NCOR2: variants seen among roughly 807,000 people sequenced by gnomAD.
The protein encoded by NCOR2 is CTG repeat protein 26.
Under a neutral mutation model 262.9 loss-of-function variants are expected in NCOR2, and 81 were observed. That is an observed-to-expected ratio of 0.31 (90% confidence interval 0.26 to 0.37). The LOEUF (loss-of-function observed/expected upper bound fraction) is 0.37, where lower values mean the gene tolerates loss of function less well. NCOR2 is among the 10% of genes least tolerant of loss of function. The probability of loss-of-function intolerance (pLI) is 1.00; values close to 1 mark genes in which losing one functional copy is unlikely to be tolerated. For missense variants in NCOR2, 3,385 were observed against 3,621.4 expected (o/e 0.93, Z 1.68); for synonymous variants, 1,659 against 1,559.3 (o/e 1.06, Z -1.51).
At chr12:124,345,355 A>G (rs546714516) in intron 31 of NCOR2, among the ~76,000 whole-genome samples, 1 of 152,288 alleles carries the variant, frequency 6.6e-6, no homozygotes, top group Admixed American at 6.5e-5. Flanking sequence ...AGAAAAAGTC[A>G]GCACCCAGAC....
chr12:124,388,863 GGTGAGGGA>G (rs2041036670), intron 16 of NCOR2: 2 of 357,798 alleles, frequency 5.6e-6, no homozygotes, highest in Non-Finnish European at 4.5e-6. Context: ...TCCGTCCCAC[GGTGAGGGA>G]GGGAGGGAGG....
Position 124,445,343 on chromosome 12 carries a change from G to A in NCOR2, c.815+4472C>T, listed in dbSNP as rs180735784. The stretch of plus-strand genomic sequence containing the variant: ...GCCCCTCTGCGGCTGCCCCGGCCCC[G>A]CCCCGGTGGTCTGAGCGCTCCCTCC... On this transcript the variant is annotated intron_variant, in intron 7 of 46. Coordinates refer to ENST00000405201, the Ensembl canonical transcript of NCOR2. Among the ~76,000 whole-genome samples, 399 of 152,248 alleles carry A rather than the reference G, an allele frequency of 2.6e-3. 3 individuals are homozygous for A. The highest frequency in any genetic ancestry group is 8.3e-3 in the African/African-American group (343 of 41,560).
intron 16 of NCOR2, chr12:124,388,560 A>T (rs1353043177): frequency 9.9e-7 from 1 of 1,008,828 alleles, no homozygotes; most frequent in East Asian, 6.1e-5. Flanking sequence ...TGGGACCCCC[A>T]TCCACTCCAG....
chr12:124,496,491 C>T (rs1414521348), upstream of NCOR2, among the ~76,000 whole-genome samples: 4 of 152,116 alleles, frequency 2.6e-5, no homozygotes, highest in East Asian at 3.9e-4. The surrounding 1 kb of genome is among the most constrained non-coding windows in gnomAD (Gnocchi z 4.4). Flanking sequence ...CCTCCAGTGG[C>T]GGAGGACTGA....
chr12:124,493,472 AG>A (rs1159883916), intron 1 of NCOR2, among the ~76,000 whole-genome samples: 8 of 152,234 alleles, frequency 5.3e-5, no homozygotes, highest in Non-Finnish European at 1.0e-4. Flanking sequence ...TCTAGGAGAC[AG>A]GTACTCTCAG....
At chr12:124,466,139 C>T in intron 5 of NCOR2, 34 bp downstream of exon 7, 1 of 1,574,816 alleles carries the variant, frequency 6.3e-7, no homozygotes. Context: ...ATGGCCAGCA[C>T]CGGGGGGCAG....
At chr12:124,537,783 C>A (rs577515842), upstream of NCOR2, 1 of 152,376 alleles carries the variant, frequency 6.6e-6, no homozygotes, top group East Asian at 1.9e-4. Flanking sequence ...AGGAGGGAGC[C>A]TTTGAAAGGG....
Position 124,362,217 on chromosome 12 carries a change from T to G in NCOR2, c.3009A>C (p.Gln1003His), listed in dbSNP as rs2038643349. ...GGGCGTCGCTCTCCGGCTGCAGGTT[T>G]TGCGGTGGCGGTGGGGCTGGGGGAG... The change falls in exon 22 of 47, where the codon CAA becomes CAC. Residue 1003 changes from glutamine to histidine, a missense_variant. Gln to His is a conservative substitution (Grantham distance 24). This residue lies in a region of NCOR2 where 1,615 missense variants were observed against 1,626.9 expected (regional missense o/e 0.99). Transcript: ENST00000405201. 7.6e-6 allele frequency: 10 copies of G among 1,311,818 alleles called. No individual in the cohort carries two copies. Among genetic ancestry groups the G allele is most frequent in the African/African-American group, 1.5e-5 (1 of 66,658 alleles). 81.3% of individuals were successfully genotyped at this position (1,311,818 alleles called of 1,614,324 possible).
chr12:124,544,036 G>A (rs1030289772), intron 1 of NCOR2, among the ~76,000 whole-genome samples: 5 of 152,240 alleles, frequency 3.3e-5, no homozygotes, highest in Admixed American at 2.6e-4. Context: ...TCCCAGGACT[G>A]GGATCCACAC....
At position 124,500,268 on chromosome 12, in the gene NCOR2, G is replaced by A. The variant is rs80249592; in HGVS notation, c.-117-4900C>T. ...TGGCCCCTGAACCAGCTGGAGGAGG[G>A]CTGCAGATCCCACGCAGGCAGGTGG... On this transcript the variant is annotated intron_variant, in intron 1 of 46. Transcript: ENST00000404621. 8.9e-3 allele frequency among the ~76,000 whole-genome samples: 1,352 copies of A among 152,272 alleles called. 10 individuals are homozygous for A. Among genetic ancestry groups the A allele is most frequent in the Non-Finnish European group, 0.015 (994 of 67,988 alleles).
intron 5 of NCOR2, among the ~76,000 whole-genome samples, chr12:124,460,851 G>A (rs1425569708): frequency 6.6e-6 from 1 of 152,132 alleles, no homozygotes; most frequent in East Asian, 1.9e-4. Flanking sequence ...ACATCTCCTC[G>A]GCCCCTTTGG....
intron 1 of NCOR2, among the ~76,000 whole-genome samples, chr12:124,509,811 C>T (rs1009489854): frequency 6.6e-6 from 1 of 152,184 alleles, no homozygotes; most frequent in Admixed American, 6.5e-5. Flanking sequence ...ATGAACACTG[C>T]CCAGCACAGC....
upstream of NCOR2, chr12:124,495,371 G>A: frequency 6.9e-7 from 1 of 1,440,380 alleles, no homozygotes; most frequent in Non-Finnish European, 9.1e-7. The surrounding 1 kb of genome is among the most constrained non-coding windows in gnomAD (Gnocchi z 4.4). Context: ...ACTGGCACCT[G>A]CGGGAAAACA....
intron 1 of NCOR2, among the ~76,000 whole-genome samples, chr12:124,558,245 G>A (rs1447770359): frequency 6.6e-6 from 1 of 151,402 alleles, no homozygotes; most frequent in Non-Finnish European, 1.5e-5. Context: ...GGGTCACAAA[G>A]AAAAATCAAC....
chr12:124,340,686 C>T, exon 35 of NCOR2: 1 of 1,527,028 alleles, frequency 6.5e-7, no homozygotes, highest in Non-Finnish European at 8.7e-7. Context: ...ATGGCGGTGG[C>T]TGGGGTGCCT....
At position 124,566,380 on chromosome 12, in the gene NCOR2, C is replaced by A. The variant is rs1444140171; in HGVS notation, c.-165+928G>T. On this transcript the variant is annotated intron_variant, in intron 1 of 32. Coordinates refer to the NCOR2 transcript ENST00000458234. This position sits in a 1 kb window ranked among gnomAD's most constrained non-coding sequence, Gnocchi z 4.3. ...TGTAAAAATAACGCCGGGCGCCCCACGCTAATTGGGCCCGGGCGACAGCAG... is the reference window on the plus strand; with the variant it reads ...TGTAAAAATAACGCCGGGCGCCCCAAGCTAATTGGGCCCGGGCGACAGCAG... Among the ~76,000 whole-genome samples the A allele has an allele frequency of 6.6e-6, 1 of 152,186 alleles. No individual in the cohort carries two copies. The highest frequency in any genetic ancestry group is 2.4e-5 in the African/African-American group (1 of 41,440).
At chr12:124,341,428 C>A (rs886315232) in intron 34 of NCOR2, among the ~76,000 whole-genome samples, 1 of 152,072 alleles carries the variant, frequency 6.6e-6, no homozygotes, top group Non-Finnish European at 1.5e-5. Flanking sequence ...TTAGGAGAGA[C>A]GGGTTTCACC....
chr12:124,378,460 C>G lies in NCOR2; in HGVS notation c.2020-76G>C. On this transcript the variant is annotated intron_variant, in intron 17 of 46. Transcript: ENST00000405201. The surrounding 1 kb of genome is among the most constrained non-coding windows in gnomAD (Gnocchi z 4.2). ...CGGGGACTCCCCATGCCTGGGGCCT[C>G]GCCGCAGGTGCAAAGGGCAGTGATC... is the stretch of plus-strand genomic sequence containing the variant. The G allele has an allele frequency of 7.0e-7, 1 of 1,433,712 alleles. No individual in the cohort carries two copies. Among genetic ancestry groups the G allele is most frequent in the Non-Finnish European group, 9.3e-7 (1 of 1,071,234 alleles). 88.8% of individuals were successfully genotyped at this position (1,433,712 alleles called of 1,614,324 possible). A position where few individuals can be genotyped will look rare whatever the true frequency, so the allele number is the denominator to read the frequency against.
chr12:124,411,379 G>A (rs1302328357), intron 13 of NCOR2, among the ~76,000 whole-genome samples: 2 of 152,212 alleles, frequency 1.3e-5, no homozygotes, highest in African/African-American at 4.8e-5. Flanking sequence ...AGTGGAGAGT[G>A]GACGGCAGCA....
Sources: gnomAD v4.1 joint callset for allele counts (sites outside exome capture counted in the v4.1 genomes callset) on GRCh38, gnomAD v4.1.1 for gene constraint, gnomAD v4.1.1 regional missense constraint, Gnocchi (gnomAD v3.1) non-coding constraint, MANE v1.5 for transcripts, NCBI Gene and HGNC (gene_info 2026-07-23, HGNC 2026-07-21) for gene names.